SOX5: variants seen among roughly 807,000 people sequenced by gnomAD.
The protein encoded by SOX5 is SRY-box transcription factor 5.
SOX5 carries 9 observed loss-of-function variants against 92.0 expected under a neutral mutation model. The observed-to-expected ratio is 0.10, with a 90% CI of 0.06 to 0.17. The LOEUF is 0.17. SOX5 is among the 10% of genes least tolerant of loss of function. The probability of loss-of-function intolerance (pLI) is 1.00; values close to 1 mark genes in which losing one functional copy is unlikely to be tolerated. For missense variants in SOX5, 642 were observed against 944.5 expected, an observed-to-expected ratio of 0.68 and a Z score of 4.20; for synonymous variants, 344 against 336.3, an observed-to-expected ratio of 1.02 and a Z score of -0.25.
chr12:24,221,674 CA>C (rs1225642248), intron 3 of SOX5, among the ~76,000 whole-genome samples: 1 of 152,206 alleles, frequency 6.6e-6, no homozygotes, highest in Non-Finnish European at 1.5e-5. Flanking sequence ...AAAAATCTCT[CA>C]TGCAGCTTAC....
At chr12:24,218,492 A>G (rs1462852577) in intron 3 of SOX5, among the ~76,000 whole-genome samples, 1 of 152,170 alleles carries the variant, frequency 6.6e-6, no homozygotes, top group Admixed American at 6.5e-5. Flanking sequence ...TGGAGGAGTA[A>G]TGGAGAGTGA....
chr12:23,919,080 G>C (rs575554048), intron 1 of SOX5, among the ~76,000 whole-genome samples: 3 of 152,164 alleles, frequency 2.0e-5, no homozygotes, highest in Non-Finnish European at 4.4e-5. Flanking sequence ...TAATATCAAT[G>C]AGTAATGAAG....
At chr12:24,178,303 C>A (rs555261327) in intron 4 of SOX5, among the ~76,000 whole-genome samples, 11 of 97,012 alleles carry the variant, frequency 1.1e-4, no homozygotes, top group Admixed American at 1.1e-3. Context: ...TTTACAGATT[C>A]TATTGTTCTT....
At chr12:24,005,184 TA>T (rs569552268) in intron 4 of SOX5, among the ~76,000 whole-genome samples, 298 of 139,882 alleles carry the variant, frequency 2.1e-3, no homozygotes, top group Admixed American at 3.1e-3. Context: ...ATAAACTTAC[TA>T]AAAAAAAAAA....
intron 3 of SOX5, among the ~76,000 whole-genome samples, chr12:23,781,426 G>T (rs2095277082): frequency 6.6e-6 from 1 of 151,808 alleles, no homozygotes; most frequent in Non-Finnish European, 1.5e-5. Flanking sequence ...TGCTTACAAG[G>T]TCTACCTGTT....
At chr12:24,237,029 A>G (rs766175668) in intron 3 of SOX5, among the ~76,000 whole-genome samples, 3 of 152,202 alleles carry the variant, frequency 2.0e-5, no homozygotes, top group Admixed American at 6.5e-5. Flanking sequence ...AAAGGTGTAC[A>G]TGTCTACTAG....
chr12:23,795,753 A>G (rs1460939915), intron 3 of SOX5, among the ~76,000 whole-genome samples: 1 of 152,172 alleles, frequency 6.6e-6, no homozygotes, highest in Admixed American at 6.6e-5. Flanking sequence ...CAATGAAGCT[A>G]CAGTTTACAG....
At chr12:23,695,007 C>T (rs111325996) in intron 6 of SOX5, among the ~76,000 whole-genome samples, 124 of 151,866 alleles carry the variant, frequency 8.2e-4, no homozygotes, top group African/African-American at 2.8e-3. Flanking sequence ...GTAGTCCTAG[C>T]TACTTGCAAG....
chr12:24,417,416 T>G (rs1399851251), intron 1 of SOX5, among the ~76,000 whole-genome samples: 1 of 152,224 alleles, frequency 6.6e-6, no homozygotes, highest in East Asian at 1.9e-4. Context: ...TGTGAGCTAT[T>G]TTTATGTCCA....
intron 1 of SOX5, among the ~76,000 whole-genome samples, chr12:24,532,990 CA>C (rs2138676080): frequency 6.6e-6 from 1 of 152,276 alleles, no homozygotes; most frequent in Admixed American, 6.5e-5. Flanking sequence ...TTTACTGTAC[CA>C]ACTATTTCCA....
At chr12:23,539,191 G>A (rs79438169) in intron 13 of SOX5, among the ~76,000 whole-genome samples, 22,277 of 151,978 alleles carry the variant, frequency 0.15, 1,758 homozygotes, top group African/African-American at 0.2. Context: ...GCCTCTCAAA[G>A]GAAAGAAAAT....
At chr12:23,977,754 T>A (rs1294064707) in intron 4 of SOX5, among the ~76,000 whole-genome samples, 1 of 151,288 alleles carries the variant, frequency 6.6e-6, no homozygotes, top group Non-Finnish European at 1.5e-5. Context: ...GACACCCTTG[T>A]ACCTAAGAAA....
At chr12:24,381,669 G>A (rs776867372) in intron 1 of SOX5, among the ~76,000 whole-genome samples, 4 of 152,084 alleles carry the variant, frequency 2.6e-5, no homozygotes, top group East Asian at 1.9e-4. Context: ...TGCCTTACTC[G>A]TGAAATTGGA....
In SOX5 at chr12:23,726,497, A is replaced by G. The variant is rs2093142211; in HGVS notation, c.810+8187T>C. On this transcript the variant is annotated intron_variant, in intron 6 of 14. Coordinates refer to ENST00000451604, the MANE Select transcript of SOX5 (RefSeq NM_006940.6). ...ACACTATTGTGTAAATTAAAGTAAA[A>G]TAAAAAGTGGTTCATTTTGGACCAA... Among the ~76,000 whole-genome samples the G allele has an allele frequency of 2.6e-5, 4 of 152,190 alleles. No homozygotes were observed. In the South Asian group the frequency reaches 8.3e-4, roughly 32 times the overall value.
At chr12:24,356,974 G>C (rs904799037) in intron 2 of SOX5, among the ~76,000 whole-genome samples, 5 of 147,966 alleles carry the variant, frequency 3.4e-5, no homozygotes, top group African/African-American at 1.2e-4. Flanking sequence ...CAGTGGCAGA[G>C]AAAAAAGGCT....
intron 4 of SOX5, among the ~76,000 whole-genome samples, chr12:24,045,898 C>T (rs1956963505): frequency 2.3e-5 from 1 of 43,070 alleles, no homozygotes; most frequent in African/African-American, 5.1e-5. Context: ...TTGGTTTATT[C>T]CATAGCTCTT....
At chr12:24,106,716 C>T (rs902792805) in intron 4 of SOX5, among the ~76,000 whole-genome samples, 3 of 151,086 alleles carry the variant, frequency 2.0e-5, no homozygotes, top group Non-Finnish European at 3.0e-5. Context: ...TGCTTGAGCC[C>T]AGGAGGCGGA....
chr12:24,068,704 GTATATA>G (rs1164844032), intron 4 of SOX5, among the ~76,000 whole-genome samples: 1,748 of 73,702 alleles, frequency 0.024, 52 homozygotes, highest in African/African-American at 0.073. Context: ...GTGTGTGTGT[GTATATA>G]TATATATATA....
intron 4 of SOX5, among the ~76,000 whole-genome samples, chr12:23,961,346 C>T (rs1946906169): frequency 6.6e-6 from 1 of 152,120 alleles, no homozygotes; most frequent in African/African-American, 2.4e-5. Flanking sequence ...CTGCTTAAAA[C>T]ATATCATATA....
Sources: allele counts gnomAD v4.1 joint callset (sites outside exome capture counted in the v4.1 genomes callset), GRCh38; gene constraint gnomAD v4.1.1; transcripts MANE v1.5; gene names NCBI Gene and HGNC (gene_info 2026-07-23, HGNC 2026-07-21).